TMTC2: variants seen among roughly 807,000 people sequenced by gnomAD.
TMTC2 encodes protein O-mannosyl-transferase TMTC2.
A neutral mutation model predicts 82.4 loss-of-function variants in TMTC2; 43 were observed. The observed-to-expected ratio is 0.52, with a 90% CI of 0.41 to 0.67. The LOEUF is 0.67. Ranked by LOEUF, TMTC2 falls within the 30% of genes least tolerant of loss-of-function variation. The probability of loss-of-function intolerance (pLI) is 0.00; values close to 1 mark genes in which losing one functional copy is unlikely to be tolerated. For missense variants in TMTC2, 919 were observed against 1,012.4 expected, an observed-to-expected ratio of 0.91 and a Z score of 1.25; for synonymous variants, 408 against 381.9, an observed-to-expected ratio of 1.07 and a Z score of -0.80.
intron 9 of TMTC2, among the ~76,000 whole-genome samples, chr12:83,039,267 T>A (rs1055944432): frequency 1.1e-4 from 17 of 152,050 alleles, no homozygotes; most frequent in African/African-American, 4.1e-4. Context: ...TTCAAGTAGA[T>A]AGCAGGATAA....
At chr12:82,866,124 A>C (rs1326321138) in intron 2 of TMTC2, among the ~76,000 whole-genome samples, 1 of 151,818 alleles carries the variant, frequency 6.6e-6, no homozygotes, top group Non-Finnish European at 1.5e-5. Flanking sequence ...GAGCCAACAC[A>C]TTCAAAAGCT....
chr12:82,891,301 C>G (rs1233564413), intron 2 of TMTC2, among the ~76,000 whole-genome samples: 1 of 151,974 alleles, frequency 6.6e-6, no homozygotes, highest in East Asian at 1.9e-4. Context: ...TTATCAGAAG[C>G]TCATTTATAT....
At chr12:82,798,378 T>G (rs1159588716) in intron 1 of TMTC2, among the ~76,000 whole-genome samples, 1 of 147,086 alleles carries the variant, frequency 6.8e-6, no homozygotes, top group Non-Finnish European at 1.5e-5. Context: ...GCGCCTGTAG[T>G]CCCAGCTACT....
At chr12:82,917,095 A>G (rs1202953296) in intron 3 of TMTC2, among the ~76,000 whole-genome samples, 1 of 152,158 alleles carries the variant, frequency 6.6e-6, no homozygotes, top group Non-Finnish European at 1.5e-5. Context: ...TGACTATCAT[A>G]CAATTAGTAA....
intron 11 of TMTC2, among the ~76,000 whole-genome samples, chr12:83,120,227 G>T (rs531283422): frequency 5.8e-4 from 89 of 152,192 alleles, no homozygotes; most frequent in African/African-American, 2.0e-3. Flanking sequence ...TGTTTAACTT[G>T]TATTTTTGTT....
intron 2 of TMTC2, among the ~76,000 whole-genome samples, chr12:82,893,604 T>G (rs1873510917): frequency 6.6e-6 from 1 of 152,166 alleles, no homozygotes; most frequent in Non-Finnish European, 1.5e-5. Flanking sequence ...ATCTGGTTGC[T>G]GTTTCTCATT....
chr12:83,009,356 C>G (rs1213828622), intron 8 of TMTC2, among the ~76,000 whole-genome samples: 2 of 152,112 alleles, frequency 1.3e-5, no homozygotes, highest in Non-Finnish European at 1.5e-5. Flanking sequence ...CTCAGGGTTT[C>G]TCTTTCTCCT....
chr12:82,995,493 A>G (rs745706319), intron 8 of TMTC2, among the ~76,000 whole-genome samples: 6 of 152,122 alleles, frequency 3.9e-5, no homozygotes, highest in African/African-American at 7.2e-5. Flanking sequence ...ATGTTTACCT[A>G]TGTTACATTT....
At chr12:82,810,292 T>G (rs920441021) in intron 1 of TMTC2, among the ~76,000 whole-genome samples, 3 of 151,684 alleles carry the variant, frequency 2.0e-5, no homozygotes, top group African/African-American at 7.2e-5. Flanking sequence ...TAAAATATAG[T>G]GGATGAGATT....
At chr12:83,002,609 G>A (rs529083708) in intron 8 of TMTC2, among the ~76,000 whole-genome samples, 1 of 152,092 alleles carries the variant, frequency 6.6e-6, no homozygotes, top group South Asian at 2.1e-4. Flanking sequence ...TGCTGCATCT[G>A]TTGTCACTTA....
At chr12:82,865,992 T>C (rs1871829616) in intron 2 of TMTC2, among the ~76,000 whole-genome samples, 1 of 152,094 alleles carries the variant, frequency 6.6e-6, no homozygotes, top group Admixed American at 6.5e-5. Context: ...TACCAGAATC[T>C]CTGGGACACA....
At chr12:82,895,774 A>C in intron 2 of TMTC2, 44 bp from the exon 3 acceptor site, 1 of 1,527,928 alleles carries the variant, frequency 6.5e-7, no homozygotes, top group Non-Finnish European at 8.9e-7. Context: ...CCCATGCTGT[A>C]CTGATAATAA....
intron 11 of TMTC2, among the ~76,000 whole-genome samples, chr12:83,062,511 C>A (rs1882779809): frequency 6.6e-6 from 1 of 151,794 alleles, no homozygotes; most frequent in Non-Finnish European, 1.5e-5. Flanking sequence ...CTCACCAATG[C>A]TAAAATCTTC....
chr12:83,026,750 G>A (rs576303179), intron 8 of TMTC2, among the ~76,000 whole-genome samples: 11 of 147,842 alleles, frequency 7.4e-5, no homozygotes, highest in African/African-American at 2.0e-4. Context: ...GTGAAAATAC[G>A]TGTGTATTTT....
At chr12:82,780,814 T>TC (rs1459219471) in intron 1 of TMTC2, among the ~76,000 whole-genome samples, 1 of 152,102 alleles carries the variant, frequency 6.6e-6, no homozygotes, top group Non-Finnish European at 1.5e-5. Flanking sequence ...TTTTGTTTTT[T>TC]TTTTTAATTT....
At chr12:83,110,706 C>T (rs1410147346) in intron 11 of TMTC2, among the ~76,000 whole-genome samples, 1 of 152,222 alleles carries the variant, frequency 6.6e-6, no homozygotes, top group African/African-American at 2.4e-5. Flanking sequence ...AACCACCTAA[C>T]TCTGGTACCT....
At position 82,965,717 on chromosome 12, in the gene TMTC2, G is replaced by T; in HGVS notation, c.1842G>T (p.Lys614Asn). The T allele has an allele frequency of 6.2e-7, 1 of 1,613,794 alleles. No homozygotes were observed. The highest frequency in any genetic ancestry group is 1.1e-5 in the South Asian group (1 of 91,072). ...CCAGTTGTTTGTACAACCTAGGAAAGCTGTATCATGAGCAGGGACACTATG... is the reference window on the plus strand; with the variant it reads ...CCAGTTGTTTGTACAACCTAGGAAATCTGTATCATGAGCAGGGACACTATG... ...SVTSCLYNLG[K>N]LYHEQGHYEE... Residue 614 changes from lysine (K) to asparagine (N), a missense_variant, in exon 6 of 12, where the codon AAG becomes AAT. By Grantham distance (94) the Lys-to-Asn change is moderately conservative. Transcript: ENST00000321196.
At chr12:83,021,509 C>T (rs76633070) in intron 8 of TMTC2, among the ~76,000 whole-genome samples, 1,686 of 152,156 alleles carry the variant, frequency 0.011, 34 homozygotes, top group African/African-American at 0.039. Flanking sequence ...TCGGGAGGGT[C>T]ACTTGAACCC....
intron 8 of TMTC2, among the ~76,000 whole-genome samples, chr12:83,003,208 G>A (rs940928089): frequency 2.0e-5 from 3 of 152,054 alleles, no homozygotes; most frequent in Non-Finnish European, 4.4e-5. Flanking sequence ...TTGGTTTAAC[G>A]TCTGTTTTAT....
Sources: allele counts gnomAD v4.1 joint callset (sites outside exome capture counted in the v4.1 genomes callset), GRCh38; gene constraint gnomAD v4.1.1; transcripts MANE v1.5; gene names NCBI Gene and HGNC (gene_info 2026-07-23, HGNC 2026-07-21).